SYCP2L: variants seen among roughly 807,000 people sequenced by gnomAD.
The protein encoded by SYCP2L is synaptonemal complex protein 2-like.
Under a neutral mutation model 125.8 loss-of-function variants are expected in SYCP2L, and 98 were observed. The observed-to-expected ratio is 0.78, with a 90% CI of 0.66 to 0.92. The LOEUF (loss-of-function observed/expected upper bound fraction) is 0.92, where lower values mean the gene tolerates loss of function less well. SYCP2L is among the 40% of genes least tolerant of loss of function. The probability of loss-of-function intolerance (pLI) is 0.00; values close to 1 mark genes in which losing one functional copy is unlikely to be tolerated. For synonymous variants in SYCP2L, 317 were observed against 325.4 expected, an observed-to-expected ratio of 0.97 and a Z score of 0.28; for missense variants, 842 against 936.4, an observed-to-expected ratio of 0.90 and a Z score of 1.32.
rs775484111 is a variant in SYCP2L at position 10,958,766 on chromosome 6, ATTG to A, written c.2164-12_2164-10del. 1.3e-5 allele frequency: 20 copies of A among 1,517,736 alleles called. No individual in the cohort carries two copies. Among genetic ancestry groups the A allele is most frequent in the Middle Eastern group, 1.8e-4 (1 of 5,624 alleles). The allele number at this position is 1,517,736 out of a possible 1,614,324, so 94.0% of individuals were successfully genotyped here. On this transcript the variant is annotated splice_polypyrimidine_tract_variant and intron_variant, in intron 25 of 29. Transcript: ENST00000283141. ...TTATATTAAATGTGATCATCTTGTT[ATTG>A]TTGTTATGATTTAGCTTAGGTACAG...
Position 10,887,170 on chromosome 6 carries a change from C to T in SYCP2L, c.9+35C>T, listed in dbSNP as rs777441668. On this transcript the variant is annotated intron_variant, in intron 1 of 29. Transcript: ENST00000283141. The stretch of plus-strand genomic sequence containing the variant: ...CCCCGAAGGGCCCGGACCTTCTGTC[C>T]ACAGTGCTAGGGCGCGCGAGGGCGC... 4 of 1,613,830 alleles carry T rather than the reference C, an allele frequency of 2.5e-6. No homozygotes were observed. The East Asian group carries it at 8.9e-5, about 36-fold the overall frequency.
chr6:10,951,280 G>A (rs1781404660), intron 23 of SYCP2L, among the ~76,000 whole-genome samples: 1 of 152,032 alleles, frequency 6.6e-6, no homozygotes, highest in African/African-American at 2.4e-5. Flanking sequence ...AAAAACATTA[G>A]CCAGGCATGG....
rs551103839 is a variant in SYCP2L, at chr6:10,907,892, G to GTTTTTTT, written c.819+220_819+226dup. On this transcript the variant is annotated intron_variant, in intron 10 of 29. Transcript: ENST00000283141. ...GAGCTAGATATAGGGATACAGATAG[G>GTTTTTTT]TTTTTTTTTTTTTTTTTTGACAGAG... Among the ~76,000 whole-genome samples, 37 of 91,926 alleles carry GTTTTTTT rather than the reference G, an allele frequency of 4.0e-4. 7 individuals carry two copies. Among genetic ancestry groups the GTTTTTTT allele is most frequent in the East Asian group, 1.1e-3 (3 of 2,808 alleles). 60.3% of individuals were successfully genotyped at this position (91,926 alleles called of 152,430 possible).
In SYCP2L at chr6:10,923,795, C is replaced by A. The variant is rs373971776; in HGVS notation, c.1073-701C>A. 7.3e-5 allele frequency among the ~76,000 whole-genome samples: 11 copies of A among 151,594 alleles called. No homozygotes were observed. The East Asian group carries it at 1.2e-3, about 16-fold the overall frequency. On this transcript the variant is annotated intron_variant, in intron 14 of 29. Coordinates refer to ENST00000283141, the MANE Select transcript of SYCP2L (RefSeq NM_001040274.3). The stretch of plus-strand genomic sequence containing the variant: ...GCCTCCTGGGTTCACGCCATTCTCC[C>A]GCCTCAGCCTCCCGAATAGCTGGGA...
At position 10,893,961 on chromosome 6, in the gene SYCP2L, A is replaced by G. The variant is rs1407538764; in HGVS notation, c.173A>G (p.Tyr58Cys). ...QQKESHFPQK[Y>C]NRLLLYRLDR... Reference sequence around the variant, plus strand: ...AAAGAGAGCCACTTTCCTCAAAAATATAATCGTCTTCTATTATACCGTCTT... The same window carrying G: ...AAAGAGAGCCACTTTCCTCAAAAATGTAATCGTCTTCTATTATACCGTCTT... Residue 58 changes from tyrosine (Y) to cysteine (C), a missense_variant, in exon 3 of 30, where the codon TAT (tyrosine) becomes TGT (cysteine). By Grantham distance (194) the Tyr-to-Cys change is radical (BLOSUM62 -2). Transcript: ENST00000283141. 2 of 1,612,124 alleles carry G rather than the reference A, an allele frequency of 1.2e-6. No homozygotes were observed. The highest frequency in any genetic ancestry group is 1.1e-5 in the South Asian group (1 of 90,216).
intron 6 of SYCP2L, among the ~76,000 whole-genome samples, chr6:10,900,540 A>G (rs1026765821): frequency 1.3e-5 from 2 of 152,002 alleles, no homozygotes; most frequent in African/African-American, 4.8e-5. Flanking sequence ...TTTAGTAGAG[A>G]TGGGGTTTCA....
intron 17 of SYCP2L, among the ~76,000 whole-genome samples, chr6:10,927,951 G>A (rs1194115761): frequency 6.6e-6 from 1 of 152,156 alleles, no homozygotes; most frequent in Non-Finnish European, 1.5e-5. Context: ...TCTCCCATTT[G>A]CTTTTGAAGG....
chr6:10,891,629 G>GTA, intron 2 of SYCP2L, 48 bp downstream of exon 2: 7 of 410,682 alleles, frequency 1.7e-5, no homozygotes, highest in Non-Finnish European at 3.1e-5. Flanking sequence ...GTGTGTGTGT[G>GTA]TGTGTGTGTG....
In SYCP2L at chr6:10,961,423, G is replaced by T; in HGVS notation, c.2355+19G>T. 1.2e-6 allele frequency: 2 copies of T among 1,613,558 alleles called. No homozygotes were observed. The highest frequency in any genetic ancestry group is 1.1e-5 in the South Asian group (1 of 91,016). On this transcript the variant is annotated intron_variant, in intron 27 of 29. Coordinates refer to ENST00000283141, the MANE Select transcript of SYCP2L (RefSeq NM_001040274.3). ...GGTTCTGGTAAGTTCTTTTTGTGTG[G>T]AACATTTTCTGACTTCGGATCTTTC... is the stretch of plus-strand genomic sequence containing the variant.
chr6:10,935,780 C>G (rs1781083437), intron 21 of SYCP2L, among the ~76,000 whole-genome samples: 1 of 152,144 alleles, frequency 6.6e-6, no homozygotes, highest in African/African-American at 2.4e-5. Flanking sequence ...CAGGCGTGAG[C>G]CACCATGGCC....
In SYCP2L at chr6:10,935,117, A is replaced by G; in HGVS notation, c.1743A>G (p.Pro581=). The G allele has an allele frequency of 1.2e-6, 2 of 1,613,242 alleles. No homozygotes were observed. Among genetic ancestry groups the G allele is most frequent in the Non-Finnish European group, 1.7e-6 (2 of 1,179,622 alleles). The change falls in exon 21 of 30, where the codon CCA becomes CCG. Residue 581 remains proline, a synonymous_variant. Transcript: ENST00000283141. Reference sequence around the variant, plus strand: ...CCGAGCAAAATAACACCACATCTCCAAAGACTTCTGAACAAAAATTCCAAG... The same window carrying G: ...CCGAGCAAAATAACACCACATCTCCGAAGACTTCTGAACAAAAATTCCAAG... The part of the protein sequence containing the change: ...EIPEQNNTTS[P]KTSEQKFQDS...
intron 14 of SYCP2L, among the ~76,000 whole-genome samples, chr6:10,913,649 T>A (rs1395813344): frequency 6.6e-6 from 1 of 152,144 alleles, no homozygotes; most frequent in African/African-American, 2.4e-5. Flanking sequence ...TTGTGAAGGT[T>A]TTCTCCACTC....
At chr6:10,891,621 G>T (rs1435560062) in intron 2 of SYCP2L, 40 bp downstream of exon 2, 2 of 180,040 alleles carry the variant, frequency 1.1e-5, no homozygotes, top group African/African-American at 8.7e-5. Context: ...CTCTGTGTGT[G>T]TGTGTGTGTG....
intron 18 of SYCP2L, 31 bp downstream of exon 18, chr6:10,928,481 T>C (rs1455693528): frequency 3.2e-6 from 5 of 1,560,662 alleles, no homozygotes; most frequent in Non-Finnish European, 4.3e-6. Flanking sequence ...TCAAGTTTCT[T>C]ATCTGTCTCC....
At chr6:10,895,467 A>G (rs1322441476) in intron 4 of SYCP2L, among the ~76,000 whole-genome samples, 1 of 152,104 alleles carries the variant, frequency 6.6e-6, no homozygotes, top group Non-Finnish European at 1.5e-5. Flanking sequence ...TAGGGTGGGC[A>G]TGTAAGAGAA....
intron 23 of SYCP2L, among the ~76,000 whole-genome samples, chr6:10,943,528 A>G (rs991693541): frequency 6.6e-6 from 1 of 150,548 alleles, no homozygotes; most frequent in Non-Finnish European, 1.5e-5. Context: ...GAAATACCAT[A>G]CATTCAGAAG....
At chr6:10,945,152 A>G (rs959900122) in intron 23 of SYCP2L, among the ~76,000 whole-genome samples, 1 of 152,236 alleles carries the variant, frequency 6.6e-6, no homozygotes, top group Non-Finnish European at 1.5e-5. Flanking sequence ...ACTAGAGAAC[A>G]TAGTCTGTAT....
rs1482950075 is a variant in SYCP2L at position 10,924,609 on chromosome 6, G to A, written c.1186G>A (p.Val396Ile). Residue 396 changes from valine to isoleucine, a missense_variant, in exon 15 of 30, where the codon GTT becomes ATT. By Grantham distance (29) the Val-to-Ile change is conservative. Coordinates refer to ENST00000283141, the MANE Select transcript of SYCP2L (RefSeq NM_001040274.3). ...HFDLQFNISQ[V>I]SIQALGEDKQ... ...TGATTTGCAGTTCAACATATCACAA[G>A]TTTCCATTCAAGCTTTAGGAGAAGA... The A allele has an allele frequency of 1.9e-6, 3 of 1,591,496 alleles. No homozygotes were observed. The highest frequency in any genetic ancestry group is 2.3e-5 in the East Asian group (1 of 43,928).
At chr6:10,923,711 T>G (rs1581828111) in intron 14 of SYCP2L, among the ~76,000 whole-genome samples, 2 of 116,070 alleles carry the variant, frequency 1.7e-5, no homozygotes, top group East Asian at 2.6e-4. Flanking sequence ...TGAGACGGAG[T>G]CTAGCTCTCT....
Sources: gnomAD v4.1 joint callset for allele counts (sites outside exome capture counted in the v4.1 genomes callset) on GRCh38, gnomAD v4.1.1 for gene constraint, MANE v1.5 for transcripts, NCBI Gene and HGNC (gene_info 2026-07-23, HGNC 2026-07-21) for gene names.